ADAM22: variants seen among roughly 807,000 people sequenced by gnomAD.
The protein encoded by ADAM22 is disintegrin and metalloproteinase domain-containing protein 22.
In ADAM22, 65 loss-of-function variants were observed where a neutral mutation model predicts 144.6. That is an observed-to-expected ratio of 0.45 (90% CI 0.37 to 0.55). The LOEUF (loss-of-function observed/expected upper bound fraction) is 0.55, where lower values mean the gene tolerates loss of function less well. Among genes scored for constraint, ADAM22 ranks in the 20% least tolerant of loss-of-function variants. ADAM22 has a pLI of 0.00. For synonymous variants in ADAM22, 391 were observed against 412.6 expected (o/e 0.95, Z 0.63); for missense variants, 974 against 1,184.9 (o/e 0.82, Z 2.61).
At chr7:88,031,317 G>T (rs1035910645) in intron 3 of ADAM22, among the ~76,000 whole-genome samples, 2 of 152,200 alleles carry the variant, frequency 1.3e-5, no homozygotes, top group Non-Finnish European at 2.9e-5. Context: ...TGAAGGTTCA[G>T]AAGAAGAGAG....
At chr7:88,072,726 A>G (rs1005694171) in intron 3 of ADAM22, among the ~76,000 whole-genome samples, 5 of 152,166 alleles carry the variant, frequency 3.3e-5, no homozygotes, top group African/African-American at 9.7e-5. Flanking sequence ...TCAGATTCCC[A>G]GGAGAGGGAA....
intron 3 of ADAM22, among the ~76,000 whole-genome samples, chr7:88,055,118 T>TATATCTTTTGTTTCTTCCC (rs1807843394): frequency 6.6e-6 from 1 of 152,012 alleles, no homozygotes; most frequent in South Asian, 2.1e-4. Flanking sequence ...TATATATATA[T>TATATCTTTTGTTTCTTCCC]ATATCTTTTG....
At chr7:88,129,898 A>T (rs1419772978) in intron 9 of ADAM22, among the ~76,000 whole-genome samples, 1 of 152,164 alleles carries the variant, frequency 6.6e-6, no homozygotes, top group South Asian at 2.1e-4. Flanking sequence ...TGTGATCCAC[A>T]TCTGCCCTGT....
intron 2 of ADAM22, chr7:87,964,574 C>T (rs1314386290): frequency 2.6e-6 from 1 of 386,812 alleles, no homozygotes; most frequent in Non-Finnish European, 4.9e-6. Flanking sequence ...TATTTTTCAA[C>T]CCCTTAGGTT....
chr7:88,136,239 G>A (rs1022608099), intron 14 of ADAM22, among the ~76,000 whole-genome samples: 1 of 152,028 alleles, frequency 6.6e-6, no homozygotes, highest in Non-Finnish European at 1.5e-5. Flanking sequence ...TTACATCTAG[G>A]CTATAAACGT....
chr7:88,086,030 G>T (rs1460163965), intron 4 of ADAM22, among the ~76,000 whole-genome samples: 1 of 152,074 alleles, frequency 6.6e-6, no homozygotes, highest in African/African-American at 2.4e-5. Context: ...CAAAAAATTA[G>T]CTGGGCGTGG....
chr7:88,121,993 C>T (rs145148269), intron 7 of ADAM22, among the ~76,000 whole-genome samples: 1 of 152,160 alleles, frequency 6.6e-6, no homozygotes, highest in Non-Finnish European at 1.5e-5. Flanking sequence ...TATTATCTCA[C>T]AGTTTCTGTG....
intron 3 of ADAM22, among the ~76,000 whole-genome samples, chr7:88,045,022 G>A (rs968645218): frequency 2.0e-5 from 3 of 151,544 alleles, no homozygotes; most frequent in African/African-American, 7.3e-5. Flanking sequence ...ACTGCACCCG[G>A]CCTTTTTTTC....
At chr7:87,980,287 C>CTTTTTATTTTT (rs1554370534) in intron 3 of ADAM22, among the ~76,000 whole-genome samples, 1 of 118,400 alleles carries the variant, frequency 8.4e-6, no homozygotes, top group African/African-American at 3.8e-5. Flanking sequence ...GCACTGTGCT[C>CTTTTTATTTTT]TTTTTTTTTT....
At chr7:88,041,126 G>A (rs2129471918) in intron 3 of ADAM22, among the ~76,000 whole-genome samples, 1 of 152,096 alleles carries the variant, frequency 6.6e-6, no homozygotes, top group Non-Finnish European at 1.5e-5. Context: ...GCTGATAAAG[G>A]ACCTTAATTA....
chr7:88,151,438 AC>A, intron 20 of ADAM22, 118 bp downstream of exon 20: 1 of 1,148,292 alleles, frequency 8.7e-7, no homozygotes, highest in Non-Finnish European at 1.3e-6. Context: ...TCTCAAAGCT[AC>A]CACAGGTCTT....
intron 3 of ADAM22, among the ~76,000 whole-genome samples, chr7:88,059,702 G>A (rs1809225870): frequency 6.6e-6 from 1 of 152,158 alleles, no homozygotes; most frequent in African/African-American, 2.4e-5. Flanking sequence ...ATGAAATCAT[G>A]TCTTTTGCAG....
chr7:87,973,281 A>G (rs1175509416), intron 2 of ADAM22, among the ~76,000 whole-genome samples: 1 of 152,270 alleles, frequency 6.6e-6, no homozygotes, highest in Non-Finnish European at 1.5e-5. Context: ...GGCAAAGGAT[A>G]TGAACAGACA....
In ADAM22 at chr7:88,115,676, T is replaced by C. The variant is rs546167860; in HGVS notation, c.537+1029T>C. 1.9e-3 allele frequency among the ~76,000 whole-genome samples: 287 copies of C among 152,324 alleles called. 3 individuals carry two copies. The highest frequency in any genetic ancestry group is 6.5e-3 in the African/African-American group (270 of 41,576). The stretch of plus-strand genomic sequence containing the variant: ...ATTACCCTGGGTGCCAGGGCCTCAA[T>C]ATGAGAAGTCTGGGGACACACACAC... On this transcript the variant is annotated intron_variant, in intron 6 of 31. Transcript: ENST00000413139.
chr7:88,025,706 A>C (rs146047693), intron 3 of ADAM22, among the ~76,000 whole-genome samples: 6 of 151,914 alleles, frequency 3.9e-5, no homozygotes, highest in African/African-American at 9.7e-5. Flanking sequence ...TTGGTTCTCT[A>C]TTTTTTTACA....
intron 3 of ADAM22, among the ~76,000 whole-genome samples, chr7:88,021,931 G>A (rs1797916661): frequency 3.3e-5 from 5 of 151,600 alleles, no homozygotes; most frequent in African/African-American, 1.2e-4. Flanking sequence ...GGGGTGCAGT[G>A]GTATGACCAA....
intron 3 of ADAM22, among the ~76,000 whole-genome samples, chr7:88,004,073 C>T (rs927404799): frequency 1.3e-5 from 2 of 152,172 alleles, no homozygotes; most frequent in African/African-American, 2.4e-5. Context: ...GTAGCTGGAG[C>T]CTTCTTGGGG....
chr7:87,935,498 G>A (rs961076042), intron 2 of ADAM22, among the ~76,000 whole-genome samples: 3 of 152,138 alleles, frequency 2.0e-5, no homozygotes, highest in African/African-American at 7.2e-5. Flanking sequence ...CATGCACAGC[G>A]AGAAGGGAGG....
At chr7:88,184,598 C>G (rs1351445910) in intron 29 of ADAM22, among the ~76,000 whole-genome samples, 1 of 152,176 alleles carries the variant, frequency 6.6e-6, no homozygotes, top group Non-Finnish European at 1.5e-5. Context: ...CCTATCCCAT[C>G]TAACGCCATT....
Sources: gnomAD v4.1 joint callset for allele counts (sites outside exome capture counted in the v4.1 genomes callset) on GRCh38, gnomAD v4.1.1 for gene constraint, MANE v1.5 for transcripts, NCBI Gene and HGNC (gene_info 2026-07-23, HGNC 2026-07-21) for gene names.